The following ZFHX3 variants were observed in gnomAD, a reference collection of about 807,000 sequenced individuals.
The protein encoded by ZFHX3 is zinc finger homeobox 3.
In ZFHX3, 42 loss-of-function variants were observed where a neutral mutation model predicts 279.1. That is an observed-to-expected ratio of 0.15 (90% CI 0.12 to 0.19). ZFHX3 has a LOEUF of 0.19. Among genes scored for constraint, ZFHX3 ranks in the 10% least tolerant of loss-of-function variants. ZFHX3 has a pLI of 1.00. For missense variants in ZFHX3, 4,981 were observed against 4,754.0 expected (o/e 1.05, Z -1.40); for synonymous variants, 2,293 against 1,957.8 (o/e 1.17, Z -4.52).
intron 1 of ZFHX3, among the ~76,000 whole-genome samples, chr16:73,003,413 C>T (rs575765740): frequency 1.3e-5 from 2 of 151,618 alleles, no homozygotes; most frequent in South Asian, 4.2e-4. Context: ...TTTTGCTAGG[C>T]ACAATGGCTC....
intron 4 of ZFHX3, among the ~76,000 whole-genome samples, chr16:72,882,316 T>C (rs1285622421): frequency 6.6e-6 from 1 of 151,942 alleles, no homozygotes; most frequent in Non-Finnish European, 1.5e-5. Context: ...CCTGGAGCCC[T>C]TGACCAAGAA....
chr16:73,449,168 A>G (rs1444574757), intron 3 of ZFHX3, among the ~76,000 whole-genome samples: 1 of 152,232 alleles, frequency 6.6e-6, no homozygotes, highest in Non-Finnish European at 1.5e-5. Flanking sequence ...AAGGTCTAAC[A>G]CATTTTGAGG....
chr16:72,942,640 T>G (rs1166766832), intron 3 of ZFHX3, among the ~76,000 whole-genome samples: 1 of 152,194 alleles, frequency 6.6e-6, no homozygotes, highest in Non-Finnish European at 1.5e-5. Flanking sequence ...TGAAAACAGT[T>G]TATACTGGAA....
At chr16:73,868,164 G>A (rs1962076208) in intron 1 of ZFHX3, among the ~76,000 whole-genome samples, 2 of 152,166 alleles carry the variant, frequency 1.3e-5, no homozygotes, top group South Asian at 4.1e-4. Context: ...GAGCCATAAC[G>A]AATACAGACA....
intron 7 of ZFHX3, among the ~76,000 whole-genome samples, chr16:73,121,818 T>C (rs1023340177): frequency 2.0e-5 from 3 of 151,996 alleles, no homozygotes; most frequent in Non-Finnish European, 4.4e-5. Context: ...GGTTTCACCA[T>C]GTTAGTCCGG....
rs369073708 is a variant in ZFHX3 at position 72,795,183 on chromosome 16, C to G, written c.7499G>C (p.Ser2500Thr). 1.4e-5 allele frequency: 23 copies of G among 1,606,374 alleles called. No homozygotes were observed. The East Asian group carries it at 3.1e-4, about 22-fold the overall frequency. Residue 2500 changes from serine (S) to threonine (T), a missense_variant, in exon 9 of 10, where the codon AGT (serine) becomes ACT (threonine). This residue lies in a region of ZFHX3 where 744 missense variants were observed against 701.3 expected (regional missense o/e 1.06). Coordinates refer to ENST00000268489, the MANE Select transcript of ZFHX3 (RefSeq NM_006885.4). ...PQCPLPQSSP[S>T]PSQLSHLPLK... ...GGGCAGGTGGGAGAGCTGGGAAGGA[C>G]TGGGGCTCGACTGGGGTAAGGGGCA... is the stretch of plus-strand genomic sequence containing the variant.
chr16:73,615,181 C>G (rs537024687), intron 2 of ZFHX3, among the ~76,000 whole-genome samples: 1 of 151,424 alleles, frequency 6.6e-6, no homozygotes, highest in African/African-American at 2.4e-5. Context: ...TGAGGGGCCC[C>G]GGGCAGGAGT....
At chr16:73,647,906 A>G (rs543704951) in intron 2 of ZFHX3, among the ~76,000 whole-genome samples, 1 of 152,332 alleles carries the variant, frequency 6.6e-6, no homozygotes, top group South Asian at 2.1e-4. Context: ...GAAAATAAAT[A>G]CAAACAAACC....
intron 2 of ZFHX3, among the ~76,000 whole-genome samples, chr16:73,465,449 G>C (rs748472984): frequency 6.6e-6 from 1 of 152,138 alleles, no homozygotes; most frequent in Non-Finnish European, 1.5e-5. Flanking sequence ...CTCGAAAGCT[G>C]CCTCGCCCGT....
At chr16:73,246,010 C>G (rs1402161748) in intron 5 of ZFHX3, among the ~76,000 whole-genome samples, 1 of 152,072 alleles carries the variant, frequency 6.6e-6, no homozygotes, top group Non-Finnish European at 1.5e-5. Context: ...TTCCACAGGA[C>G]AGAGGCCATT....
intron 5 of ZFHX3, among the ~76,000 whole-genome samples, chr16:73,235,469 G>A (rs752050038): frequency 6.6e-6 from 1 of 152,092 alleles, no homozygotes; most frequent in Non-Finnish European, 1.5e-5. Flanking sequence ...TAAACCAGGG[G>A]TCATAACTCG....
At chr16:73,162,993 G>T (rs752717297) in intron 5 of ZFHX3, among the ~76,000 whole-genome samples, 16 of 152,188 alleles carry the variant, frequency 1.1e-4, no homozygotes, top group Non-Finnish European at 2.1e-4. Flanking sequence ...CCAGGAACAT[G>T]TGGTCTTCAG....
At chr16:73,495,508 A>G (rs2019126927) in intron 2 of ZFHX3, among the ~76,000 whole-genome samples, 1 of 152,246 alleles carries the variant, frequency 6.6e-6, no homozygotes, top group Non-Finnish European at 1.5e-5. Context: ...GCCAGGAAAT[A>G]GCAAAATTCC....
chr16:73,113,648 T>C (rs2052141757), intron 7 of ZFHX3, among the ~76,000 whole-genome samples: 2 of 152,112 alleles, frequency 1.3e-5, no homozygotes, highest in South Asian at 4.1e-4. Flanking sequence ...AGGAACATTC[T>C]AGAAGAGATA....
chr16:73,810,414 G>T (rs984712543), intron 1 of ZFHX3, among the ~76,000 whole-genome samples: 4 of 152,074 alleles, frequency 2.6e-5, no homozygotes, highest in Non-Finnish European at 5.9e-5. Context: ...TAATTATTTG[G>T]TTATTAACCT....
chr16:72,948,737 T>C (rs936952186), intron 3 of ZFHX3, among the ~76,000 whole-genome samples: 2 of 152,216 alleles, frequency 1.3e-5, no homozygotes, highest in South Asian at 2.1e-4. Context: ...CAAAGTTGCA[T>C]GCAACCTTCA....
chr16:73,675,655 A>T (rs753265084), intron 2 of ZFHX3, among the ~76,000 whole-genome samples: 1 of 152,170 alleles, frequency 6.6e-6, no homozygotes, highest in African/African-American at 2.4e-5. Flanking sequence ...CTTAAGCTAA[A>T]ACAGATGAAA....
chr16:73,459,546 T>A (rs1415924055), intron 2 of ZFHX3, among the ~76,000 whole-genome samples: 1 of 152,086 alleles, frequency 6.6e-6, no homozygotes, highest in Admixed American at 6.5e-5. Context: ...AAATTTTTTT[T>A]AAGTAGAGAT....
At chr16:72,973,413 G>C (rs1962193066) in intron 1 of ZFHX3, 1 of 152,190 alleles carries the variant, frequency 6.6e-6, no homozygotes, top group Non-Finnish European at 1.5e-5. Context: ...AATCACCTGT[G>C]TCGTTTCCCT....
Sources: gnomAD v4.1 joint callset for allele counts (sites outside exome capture counted in the v4.1 genomes callset) on GRCh38, gnomAD v4.1.1 for gene constraint, gnomAD v4.1.1 regional missense constraint, MANE v1.5 for transcripts, NCBI Gene and HGNC (gene_info 2026-07-23, HGNC 2026-07-21) for gene names.